The following PDGFC variants were observed in gnomAD, a reference collection of about 807,000 sequenced individuals.
The protein encoded by PDGFC is platelet-derived growth factor C.
PDGFC carries 12 observed loss-of-function variants against 35.5 expected under a neutral mutation model. That is an observed-to-expected ratio of 0.34 (90% CI 0.22 to 0.55). PDGFC has a LOEUF of 0.55. Among genes scored for constraint, PDGFC ranks in the 20% least tolerant of loss-of-function variants. PDGFC has a pLI of 0.91. For synonymous variants in PDGFC, 159 were observed against 148.8 expected (o/e 1.07, Z -0.50); for missense variants, 322 against 412.4 (o/e 0.78, Z 1.90).
At chr4:156,920,398 GC>G (rs1560873423) in intron 1 of PDGFC, among the ~76,000 whole-genome samples, 1 of 152,108 alleles carries the variant, frequency 6.6e-6, no homozygotes, top group African/African-American at 2.4e-5. Flanking sequence ...ACAGATGAAA[GC>G]CATTGACACT....
chr4:156,863,061 A>G (rs1451807606), intron 1 of PDGFC, among the ~76,000 whole-genome samples: 1 of 152,180 alleles, frequency 6.6e-6, no homozygotes, highest in Non-Finnish European at 1.5e-5. Context: ...ATAAGTTTTT[A>G]CCAGCTAAAA....
intron 1 of PDGFC, among the ~76,000 whole-genome samples, chr4:156,943,293 G>T (rs1173486784): frequency 6.6e-6 from 1 of 152,056 alleles, no homozygotes; most frequent in East Asian, 1.9e-4. Context: ...TGTTTTACTG[G>T]TATCAACCTT....
chr4:156,768,687 C>T (rs1282124371), intron 4 of PDGFC, among the ~76,000 whole-genome samples: 2 of 151,970 alleles, frequency 1.3e-5, no homozygotes, highest in South Asian at 2.1e-4. Flanking sequence ...CTATCCTTCC[C>T]CTGCTAATGG....
At chr4:156,779,610 G>C (rs1181554206) in intron 3 of PDGFC, among the ~76,000 whole-genome samples, 1 of 152,184 alleles carries the variant, frequency 6.6e-6, no homozygotes, top group Admixed American at 6.5e-5. Context: ...GAGAGCAGAA[G>C]TCTTCCTGAG....
chr4:156,793,644 A>G (rs1465257089), intron 3 of PDGFC, among the ~76,000 whole-genome samples: 1 of 150,718 alleles, frequency 6.6e-6, no homozygotes, highest in Admixed American at 6.6e-5. Context: ...TTGGGCAAAA[A>G]AATTTTTTAA....
At chr4:156,780,526 G>A (rs779700023) in intron 3 of PDGFC, among the ~76,000 whole-genome samples, 12 of 152,122 alleles carry the variant, frequency 7.9e-5, no homozygotes, top group Non-Finnish European at 1.8e-4. Flanking sequence ...CAGGAATAGT[G>A]GCTATATTGG....
intron 1 of PDGFC, among the ~76,000 whole-genome samples, chr4:156,933,225 A>G (rs943847168): frequency 1.3e-5 from 2 of 152,230 alleles, no homozygotes; most frequent in Admixed American, 6.5e-5. Context: ...GTGAAATGAA[A>G]TGCTGCTTAT....
intron 2 of PDGFC, among the ~76,000 whole-genome samples, chr4:156,838,480 C>T (rs914574414): frequency 1.3e-5 from 2 of 152,114 alleles, no homozygotes; most frequent in African/African-American, 2.4e-5. Flanking sequence ...CATTTAAGTG[C>T]TAAATACCTT....
At chr4:156,907,818 A>T (rs1730951802) in intron 1 of PDGFC, among the ~76,000 whole-genome samples, 1 of 152,008 alleles carries the variant, frequency 6.6e-6, no homozygotes, top group Non-Finnish European at 1.5e-5. Context: ...ATGCCCCCAC[A>T]CTCCAGGTCA....
intron 1 of PDGFC, among the ~76,000 whole-genome samples, chr4:156,949,449 C>T (rs974703527): frequency 1.3e-5 from 2 of 151,730 alleles, no homozygotes; most frequent in Non-Finnish European, 2.9e-5. Context: ...CTTTCTCTCT[C>T]GCTCTTTCTC....
chr4:156,902,414 T>A (rs1730811210), intron 1 of PDGFC, among the ~76,000 whole-genome samples: 1 of 152,154 alleles, frequency 6.6e-6, no homozygotes, highest in South Asian at 2.1e-4. Context: ...CCTCCTTACC[T>A]CCTCAGAGGT....
At chr4:156,893,509 T>C (rs1429116487) in intron 1 of PDGFC, among the ~76,000 whole-genome samples, 4 of 152,002 alleles carry the variant, frequency 2.6e-5, no homozygotes. Context: ...TTTTATTTTA[T>C]TTTGTTTTGC....
rs1177133065 is a variant in PDGFC at position 156,970,772 on chromosome 4, G to C, written c.118+14C>G. 1 of 1,504,272 alleles carries C rather than the reference G, an allele frequency of 6.6e-7. No individual in the cohort carries two copies. Among genetic ancestry groups the C allele is most frequent in the East Asian group, 2.3e-5 (1 of 44,338 alleles). The allele number at this position is 1,504,272 out of a possible 1,614,324, so 93.2% of individuals were successfully genotyped here. On this transcript the variant is annotated intron_variant, in intron 1 of 5. Coordinates refer to ENST00000502773, the MANE Select transcript of PDGFC (RefSeq NM_016205.3). ...GCGAGAAACAAGCAGGGGGAGAATG[G>C]GGGAAAGACTCACCGTTCTGTTCCT...
chr4:156,802,617 A>G (rs1027636673), intron 3 of PDGFC, among the ~76,000 whole-genome samples: 6 of 151,966 alleles, frequency 3.9e-5, no homozygotes, highest in Admixed American at 2.0e-4. Flanking sequence ...CATATATATT[A>G]GATATATACA....
At chr4:156,875,024 C>T (rs1730079304) in intron 1 of PDGFC, among the ~76,000 whole-genome samples, 1 of 152,016 alleles carries the variant, frequency 6.6e-6, no homozygotes, top group Non-Finnish European at 1.5e-5. Flanking sequence ...GGCCTATTTC[C>T]CTATTTTAAA....
chr4:156,950,362 AGATAATAAT>A (rs1223232431), intron 1 of PDGFC, among the ~76,000 whole-genome samples: 1 of 151,936 alleles, frequency 6.6e-6, no homozygotes, highest in Admixed American at 6.6e-5. Flanking sequence ...TGTTATGATT[AGATAATAAT>A]ATTAGTTTCC....
chr4:156,963,383 T>A (rs1732387269), intron 1 of PDGFC, among the ~76,000 whole-genome samples: 1 of 152,026 alleles, frequency 6.6e-6, no homozygotes, highest in African/African-American at 2.4e-5. Flanking sequence ...AAAGGGAACA[T>A]CACCTGAGCC....
intron 3 of PDGFC, among the ~76,000 whole-genome samples, chr4:156,784,016 G>A (rs925459776): frequency 6.6e-6 from 1 of 152,154 alleles, no homozygotes; most frequent in Non-Finnish European, 1.5e-5. Context: ...TGGTAAGAAA[G>A]AAGGAAAAGT....
intron 1 of PDGFC, among the ~76,000 whole-genome samples, chr4:156,859,878 T>A (rs1050657880): frequency 2.2e-4 from 33 of 152,094 alleles, no homozygotes; most frequent in African/African-American, 8.0e-4. Flanking sequence ...ATTTTTATCA[T>A]CTAGCTGGCC....
Sources: allele counts gnomAD v4.1 joint callset (sites outside exome capture counted in the v4.1 genomes callset), GRCh38; gene constraint gnomAD v4.1.1; transcripts MANE v1.5; gene names NCBI Gene and HGNC (gene_info 2026-07-23, HGNC 2026-07-21).